Variants in PPARG observed in about 807,000 individuals in gnomAD.
The protein encoded by PPARG is peroxisome proliferator activated receptor gamma.
In PPARG, 17 loss-of-function variants were observed where a neutral mutation model predicts 39.2. That is an observed-to-expected ratio of 0.43 (90% CI 0.30 to 0.65). The LOEUF (loss-of-function observed/expected upper bound fraction) is 0.65, where lower values mean the gene tolerates loss of function less well. PPARG is among the 30% of genes least tolerant of loss of function. The probability of loss-of-function intolerance (pLI) is 0.13; values close to 1 mark genes in which losing one functional copy is unlikely to be tolerated. For synonymous variants in PPARG, 223 were observed against 215.7 expected (o/e 1.03, Z -0.30); for missense variants, 406 against 585.9 (o/e 0.69, Z 3.17).
At chr3:12,419,197 G>A (rs1032194630) in intron 7 of PPARG, among the ~76,000 whole-genome samples, 3 of 151,828 alleles carry the variant, frequency 2.0e-5, no homozygotes, top group South Asian at 2.1e-4. Context: ...CGCCTGCCTC[G>A]GCCTCCCAAA....
At chr3:12,300,638 A>G (rs1422187666) in intron 1 of PPARG, among the ~76,000 whole-genome samples, 1 of 152,042 alleles carries the variant, frequency 6.6e-6, no homozygotes, top group Non-Finnish European at 1.5e-5. Flanking sequence ...AATGCAGACT[A>G]ATATTAATAT....
At chr3:12,409,793 T>G (rs921622439) in intron 6 of PPARG, among the ~76,000 whole-genome samples, 3 of 152,200 alleles carry the variant, frequency 2.0e-5, no homozygotes, top group Non-Finnish European at 4.4e-5. Context: ...ATTCTTTAAA[T>G]GTATCTTACT....
chr3:12,364,033 C>T (rs1433647151), intron 2 of PPARG, among the ~76,000 whole-genome samples: 4 of 146,346 alleles, frequency 2.7e-5, no homozygotes, highest in African/African-American at 1.0e-4. Context: ...CACTTGTTAA[C>T]AGTCAATAAA....
chr3:12,391,437 A>T (rs573899252), intron 4 of PPARG, among the ~76,000 whole-genome samples: 6 of 152,306 alleles, frequency 3.9e-5, no homozygotes, highest in Non-Finnish European at 7.3e-5. Context: ...AGAAGGTGAG[A>T]TGCAAAACTT....
intron 2 of PPARG, among the ~76,000 whole-genome samples, chr3:12,350,984 C>T (rs1425684403): frequency 6.6e-6 from 1 of 152,042 alleles, no homozygotes; most frequent in African/African-American, 2.4e-5. Context: ...AGAGTAAGTA[C>T]CTTAGGAATA....
chr3:12,360,477 C>G (rs2048808580), intron 2 of PPARG, among the ~76,000 whole-genome samples: 2 of 151,212 alleles, frequency 1.3e-5, no homozygotes, highest in Admixed American at 6.6e-5. Context: ...GGAACATTCT[C>G]TCTTAATTAA....
At chr3:12,375,745 T>C (rs1343116666) in intron 2 of PPARG, among the ~76,000 whole-genome samples, 2 of 152,256 alleles carry the variant, frequency 1.3e-5, no homozygotes, top group South Asian at 2.1e-4. Context: ...CTGGATGTCA[T>C]TGAGACCTAG....
chr3:12,405,949 C>T lies in PPARG; in HGVS notation c.597C>T (p.Ile199=), dbSNP rs755427537. 1.1e-5 allele frequency: 17 copies of T among 1,614,026 alleles called. No homozygotes were observed. The highest frequency in any genetic ancestry group is 4.5e-5 in the East Asian group (2 of 44,884). The change falls in exon 6 of 8, where the codon ATC becomes ATT. Residue 199 remains isoleucine (I), a synonymous_variant. Transcript: ENST00000651735. ...TGTTGGCGGAGATCTCCAGTGATAT[C>T]GACCAGCTGAATCCAGAGTCCGCTG... is the stretch of plus-strand genomic sequence containing the variant. ...EKLLAEISSD[I]DQLNPESADL... is the part of the protein sequence containing the mutation.
At chr3:12,307,586 G>A (rs571001942) in intron 1 of PPARG, among the ~76,000 whole-genome samples, 22 of 152,220 alleles carry the variant, frequency 1.4e-4, no homozygotes, top group Non-Finnish European at 2.9e-4. Flanking sequence ...ATGAGAGGAA[G>A]AGAGAGAGAT....
intron 2 of PPARG, among the ~76,000 whole-genome samples, chr3:12,365,724 C>G (rs2048995824): frequency 6.6e-6 from 1 of 152,022 alleles, no homozygotes; most frequent in African/African-American, 2.4e-5. Flanking sequence ...TTATGTGGTC[C>G]TATTTCTGGG....
intron 6 of PPARG, among the ~76,000 whole-genome samples, chr3:12,408,735 C>T (rs1342173759): frequency 2.0e-5 from 3 of 151,900 alleles, no homozygotes; most frequent in Middle Eastern, 3.4e-3. Context: ...GGTTAGTTTT[C>T]ATCAACTGCT....
chr3:12,402,417 C>T (rs973321892), intron 5 of PPARG, among the ~76,000 whole-genome samples: 7 of 151,466 alleles, frequency 4.6e-5, no homozygotes, highest in Non-Finnish European at 7.4e-5. Context: ...TGTTTTTAAA[C>T]CTGATACTTT....
intron 6 of PPARG, among the ~76,000 whole-genome samples, chr3:12,412,809 A>G (rs936057109): frequency 5.9e-5 from 9 of 152,182 alleles, no homozygotes; most frequent in Non-Finnish European, 1.3e-4. Flanking sequence ...TTTATGCCCC[A>G]CAAAACCTGA....
chr3:12,381,437 T>C lies in PPARG; in HGVS notation c.336T>C (p.Cys112=). The part of the protein sequence containing the change: ...NSLMAIECRV[C]GDKASGFHYG... ...TCATGGCAATTGAATGTCGTGTCTG[T>C]GGAGATAAAGCTTCTGGATTTCACT... The change falls in exon 4 of 8, where the codon TGT becomes TGC. Residue 112 remains cysteine, a synonymous_variant. Coordinates refer to ENST00000651735, the MANE Select transcript of PPARG (RefSeq NM_138711.6). 6.2e-7 allele frequency: 1 copy of C among 1,613,444 alleles called. No homozygotes were observed. The highest frequency in any genetic ancestry group is 8.5e-7 in the Non-Finnish European group (1 of 1,179,618).
intron 7 of PPARG, among the ~76,000 whole-genome samples, chr3:12,421,271 A>C (rs1324221845): frequency 6.6e-6 from 1 of 152,224 alleles, no homozygotes; most frequent in Non-Finnish European, 1.5e-5. Flanking sequence ...GCCCATACCT[A>C]GAAGCCAGGA....
chr3:12,360,860 A>G (rs2048824109), intron 2 of PPARG, among the ~76,000 whole-genome samples: 1 of 152,200 alleles, frequency 6.6e-6, no homozygotes, highest in Non-Finnish European at 1.5e-5. Flanking sequence ...GGTTTTCAGT[A>G]TTGCAAATAG....
In PPARG at chr3:12,354,192, C is replaced by T. The variant is rs570962514; in HGVS notation, c.-8-25512C>T. On this transcript the variant is annotated intron_variant, in intron 2 of 7. Coordinates refer to ENST00000651735, the MANE Select transcript of PPARG (RefSeq NM_138711.6). ...TAACTGACCAAAGTTTTCACCTTTC[C>T]AGAAGTTTAAAGGGACCCATGTAGT... Among the ~76,000 whole-genome samples the T allele has an allele frequency of 3.3e-5, 5 of 152,240 alleles. No individual in the cohort carries two copies. The East Asian group carries it at 9.7e-4, about 29-fold the overall frequency.
At chr3:12,389,469 C>G (rs1261479087) in intron 4 of PPARG, among the ~76,000 whole-genome samples, 1 of 151,978 alleles carries the variant, frequency 6.6e-6, no homozygotes, top group Non-Finnish European at 1.5e-5. Context: ...ATAAAAGCAA[C>G]CAAAGAGAAA....
intron 2 of PPARG, 83 bp from the exon 3 acceptor site, chr3:12,379,621 T>C (rs2049550391): frequency 7.5e-7 from 1 of 1,336,504 alleles, no homozygotes; most frequent in Non-Finnish European, 1.1e-6. Flanking sequence ...CCAAAGACTC[T>C]TTTCATTTCT....
Sources: gnomAD v4.1 joint callset for allele counts (sites outside exome capture counted in the v4.1 genomes callset) on GRCh38, gnomAD v4.1.1 for gene constraint, MANE v1.5 for transcripts, NCBI Gene and HGNC (gene_info 2026-07-23, HGNC 2026-07-21) for gene names.